RBP3: variants seen among roughly 807,000 people sequenced by gnomAD.
RBP3 encodes the protein retinol binding protein 3.
RBP3 carries 50 observed loss-of-function variants against 64.8 expected under a neutral mutation model. That is an observed-to-expected ratio of 0.77 (90% CI 0.61 to 0.98). The LOEUF is 0.98. Ranked by LOEUF, RBP3 falls within the 50% of genes least tolerant of loss-of-function variation. The probability of loss-of-function intolerance (pLI) is 0.00; values close to 1 mark genes in which losing one functional copy is unlikely to be tolerated. For synonymous variants in RBP3, 828 were observed against 730.2 expected (o/e 1.13, Z -2.16); for missense variants, 1,712 against 1,660.5 (o/e 1.03, Z -0.54).
intron 3 of RBP3, 82 bp downstream of exon 3, chr10:47,355,600 A>G: frequency 6.3e-7 from 1 of 1,577,584 alleles, no homozygotes; most frequent in Non-Finnish European, 8.7e-7. Flanking sequence ...GGTGTAGGTA[A>G]AAGTCATAGT....
chr10:47,350,074 C>A lies in RBP3; in HGVS notation c.1590C>A (p.Arg530=). Residue 530 remains arginine (R), a synonymous_variant, in exon 1 of 4, where the codon CGC becomes CGA. Transcript: ENST00000584701. ...GCCACATGGAGCTCCCGGGCCCACG[C>A]TACAGCACCCAACGTGGGGTGTATC... The part of the protein sequence containing the change: ...HFSHMELPGP[R]YSTQRGVYLL... 6.2e-7 allele frequency: 1 copy of A among 1,613,068 alleles called. No individual in the cohort carries two copies.
intron 1 of RBP3, among the ~76,000 whole-genome samples, chr10:47,352,708 G>A (rs968877969): frequency 6.6e-6 from 1 of 152,232 alleles, no homozygotes; most frequent in African/African-American, 2.4e-5. Context: ...GCCTGTGCTA[G>A]GCTTGCAGAA....
chr10:47,350,110 C>A lies in RBP3; in HGVS notation c.1626C>A (p.Ser542Arg), dbSNP rs1836938186. The A allele has an allele frequency of 1.2e-6, 2 of 1,613,048 alleles. No homozygotes were observed. Among genetic ancestry groups the A allele is most frequent in the African/African-American group, 1.3e-5 (1 of 75,066 alleles). Residue 542 changes from serine (S) to arginine (R), a missense_variant, in exon 1 of 4, where the codon AGC becomes AGA. Physicochemically the swap from Ser to Arg is moderately radical, Grantham distance 110. Transcript: ENST00000584701. ...AACGTGGGGTGTATCTGCTCACCAG[C>A]CACCGCACCGCCACGGCCGCGGAGG... The part of the protein sequence containing the change: ...STQRGVYLLT[S>R]HRTATAAEEF...
chr10:47,357,019 C>T, intron 3 of RBP3, 83 bp from the exon 4 acceptor site: 2 of 1,335,318 alleles, frequency 1.5e-6, no homozygotes, highest in Middle Eastern at 2.2e-4. Context: ...TCCTCCATCA[C>T]TGCAGGCCCA....
intron 2 of RBP3, 29 bp from the exon 3 acceptor site, chr10:47,355,343 GCCCC>G: frequency 6.2e-7 from 1 of 1,612,662 alleles, no homozygotes. Context: ...TGTGAGCTCA[GCCCC>G]TGAACAGGCT....
chr10:47,352,774 T>C (rs531410702), intron 1 of RBP3, among the ~76,000 whole-genome samples: 1 of 152,340 alleles, frequency 6.6e-6, no homozygotes, highest in South Asian at 2.1e-4. Flanking sequence ...AGGTTCACGA[T>C]TTGGAGTCAG....
chr10:47,354,403 G>A (rs1323417980), intron 2 of RBP3, among the ~76,000 whole-genome samples: 2 of 152,140 alleles, frequency 1.3e-5, no homozygotes, highest in Admixed American at 6.5e-5. Flanking sequence ...AGCCCTCAGC[G>A]CTCACTCACA....
intron 3 of RBP3, 58 bp from the exon 4 acceptor site, chr10:47,357,044 G>T: frequency 6.6e-7 from 1 of 1,520,948 alleles, no homozygotes; most frequent in Non-Finnish European, 8.9e-7. Flanking sequence ...GGATAGAGAA[G>T]ACAGGTGCTC....
rs782662792 is a variant in RBP3 at position 47,348,541 on chromosome 10, C to T, written c.57C>T (p.Pro19=). The change falls in exon 1 of 4, where the codon CCC becomes CCT. Residue 19 remains proline (P), a synonymous_variant. Transcript: ENST00000584701. ...MSVLLCGLAG[P]THLFQPSLVL... is the part of the protein sequence containing the mutation. ...TGCTGCTCTGTGGCCTGGCTGGCCC[C>T]ACACACCTGTTCCAGCCAAGCCTGG... The T allele has an allele frequency of 2.1e-5, 34 of 1,611,614 alleles. No individual in the cohort carries two copies. Among genetic ancestry groups the T allele is most frequent in the Admixed American group, 1.8e-4 (11 of 60,002 alleles).
At position 47,349,510 on chromosome 10, in the gene RBP3, G is replaced by A. The variant is rs781847771; in HGVS notation, c.1026G>A (p.Thr342=). Residue 342 remains threonine, a synonymous_variant, in exon 1 of 4, where the codon ACG becomes ACA. Transcript: ENST00000584701. ...AGGAGGTCCTGAAGGACTACTACAC[G>A]CTGGTGGACCGTGTGCCCACCCTGC... is the stretch of plus-strand genomic sequence containing the variant. The part of the protein sequence containing the change: ...CLQEVLKDYY[T]LVDRVPTLLQ... The A allele has an allele frequency of 4.3e-5, 69 of 1,612,900 alleles. No homozygotes were observed. In the South Asian group the frequency reaches 5.0e-4, roughly 12 times the overall value.
chr10:47,349,152 C>A lies in RBP3; in HGVS notation c.668C>A (p.Ala223Asp). 2 of 1,613,924 alleles carry A rather than the reference C, an allele frequency of 1.2e-6. No individual in the cohort carries two copies. The highest frequency in any genetic ancestry group is 2.2e-5 in the South Asian group (2 of 91,082). The change falls in exon 1 of 4, where the codon GCC becomes GAC. Residue 223 changes from alanine to aspartate, a missense_variant. Coordinates refer to ENST00000584701, the MANE Select transcript of RBP3 (RefSeq NM_002900.3). Reference sequence around the variant, plus strand: ...CAGGTCCTGGGAGAAAGGTACGGTGCCGACAAGGATGTGGTGGTCCTCACC... The same window carrying A: ...CAGGTCCTGGGAGAAAGGTACGGTGACGACAAGGATGTGGTGGTCCTCACC... ...LPQVLGERYG[A>D]DKDVVVLTSS...
In RBP3 at chr10:47,349,345, G is replaced by T. The variant is rs782175750; in HGVS notation, c.861G>T (p.Gly287=). The T allele has an allele frequency of 1.9e-6, 3 of 1,612,368 alleles. No individual in the cohort carries two copies. Among genetic ancestry groups the T allele is most frequent in the South Asian group, 1.1e-5 (1 of 91,084 alleles). The stretch of plus-strand genomic sequence containing the variant: ...CGGTGCCCGTGTCCAGGTCCCTGGG[G>T]CCCCTTGGTGGAGGCAGCCAGACGT... ...FFTVPVSRSL[G]PLGGGSQTWE... Residue 287 remains glycine, a synonymous_variant, in exon 1 of 4, where the codon GGG becomes GGT. Coordinates refer to ENST00000584701, the MANE Select transcript of RBP3 (RefSeq NM_002900.3).
In RBP3 at chr10:47,351,233, A is replaced by G; in HGVS notation, c.2749A>G (p.Thr917Ala). 6.2e-7 allele frequency: 1 copy of G among 1,613,310 alleles called. No homozygotes were observed. Among genetic ancestry groups the G allele is most frequent in the Non-Finnish European group, 8.5e-7 (1 of 1,180,026 alleles). Residue 917 changes from threonine to alanine, a missense_variant, in exon 1 of 4, where the codon ACT (threonine) becomes GCT (alanine). Physicochemically the swap from Thr to Ala is moderately conservative, Grantham distance 58. Coordinates refer to ENST00000584701, the MANE Select transcript of RBP3 (RefSeq NM_002900.3). ...WDLAGVEPDI[T>A]VPMSEALSIA... ...CCTGGCTGGTGTGGAGCCCGACATC[A>G]CTGTGCCCATGAGCGAAGCCCTTTC... is the stretch of plus-strand genomic sequence containing the variant.
In RBP3 at chr10:47,357,482, C is replaced by T. The variant is rs1372098565; in HGVS notation, c.*25C>T. The stretch of plus-strand genomic sequence containing the variant: ...GGGAAGGGCCCCATAGGCAGAGCCC[C>T]AGGGCAGACAGAACCTCTGGGACAC... On this transcript the variant is annotated 3_prime_UTR_variant, in exon 4 of 4. Coordinates refer to ENST00000584701, the MANE Select transcript of RBP3 (RefSeq NM_002900.3). 23 of 1,576,360 alleles carry T rather than the reference C, an allele frequency of 1.5e-5. No individual in the cohort carries two copies. The highest frequency in any genetic ancestry group is 2.0e-5 in the Non-Finnish European group (23 of 1,160,232).
At chr10:47,356,208 A>C (rs1555211966) in intron 3 of RBP3, among the ~76,000 whole-genome samples, 2 of 152,204 alleles carry the variant, frequency 1.3e-5, no homozygotes, top group African/African-American at 4.8e-5. Context: ...TTTCATGTCC[A>C]TGCTTCTGTA....
chr10:47,351,133 G>T lies in RBP3; in HGVS notation c.2649G>T (p.Gln883His). 1.2e-6 allele frequency: 2 copies of T among 1,613,060 alleles called. No homozygotes were observed. Residue 883 changes from glutamine (Q) to histidine (H), a missense_variant, in exon 1 of 4, where the codon CAG (glutamine) becomes CAT (histidine). By Grantham distance (24) the Gln-to-His change is conservative (BLOSUM62 0). Coordinates refer to ENST00000584701, the MANE Select transcript of RBP3 (RefSeq NM_002900.3). ...GCGCACTCTCTGTGGGCATCTACCA[G>T]GTGGGCAGCAGCCCCTTATATGCAT... ...AGGALSVGIY[Q>H]VGSSPLYASM...
At chr10:47,355,312 G>A (rs1042002887) in intron 2 of RBP3, 64 bp from the exon 3 acceptor site, 54 of 1,607,424 alleles carry the variant, frequency 3.4e-5, no homozygotes, top group African/African-American at 1.5e-4. Context: ...TGGCCTCCCC[G>A]AGGGGCACAC....
chr10:47,349,719 C>A lies in RBP3; in HGVS notation c.1235C>A (p.Ala412Asp). The stretch of plus-strand genomic sequence containing the variant: ...GCAGCCGAAGACTCACCAGGGGTGG[C>A]CCCAGAGTTGCCTGAGGACGAGGCT... ...DAAAEDSPGV[A>D]PELPEDEAIR... Residue 412 changes from alanine to aspartate, a missense_variant, in exon 1 of 4, where the codon GCC becomes GAC. By Grantham distance (126) the Ala-to-Asp change is moderately radical (BLOSUM62 -2). Transcript: ENST00000584701. 1 of 1,611,956 alleles carries A rather than the reference C, an allele frequency of 6.2e-7. No individual in the cohort carries two copies. The highest frequency in any genetic ancestry group is 8.5e-7 in the Non-Finnish European group (1 of 1,180,000).
At position 47,353,409 on chromosome 10, in the gene RBP3, T is replaced by A; in HGVS notation, c.3139T>A (p.Phe1047Ile). Residue 1047 changes from phenylalanine (F) to isoleucine (I), a missense_variant, in exon 2 of 4, where the codon TTT (phenylalanine) becomes ATT (isoleucine). Physicochemically the swap from Phe to Ile is conservative, Grantham distance 21. Coordinates refer to ENST00000584701, the MANE Select transcript of RBP3 (RefSeq NM_002900.3). Reference protein sequence around the residue: ...VLEDNIGYLRFDMFGDGELLT... With the variant: ...VLEDNIGYLRIDMFGDGELLT... ...TGAGGACAACATTGGCTACTTGAGG[T>A]TTGACATGTTTGGGGACGGTGAGCT... 6.2e-7 allele frequency: 1 copy of A among 1,614,062 alleles called. No homozygotes were observed. The highest frequency in any genetic ancestry group is 8.5e-7 in the Non-Finnish European group (1 of 1,180,014).
Sources: allele counts gnomAD v4.1 joint callset (sites outside exome capture counted in the v4.1 genomes callset), GRCh38; gene constraint gnomAD v4.1.1; transcripts MANE v1.5; gene names NCBI Gene and HGNC (gene_info 2026-07-23, HGNC 2026-07-21).